Variants in NALCN observed in about 807,000 individuals in gnomAD.
NALCN encodes sodium leak channel NALCN.
Under a neutral mutation model 225.3 loss-of-function variants are expected in NALCN, and 111 were observed. That is an observed-to-expected ratio of 0.49 (90% CI 0.42 to 0.58). The LOEUF is 0.58. Ranked by LOEUF, NALCN falls within the 20% of genes least tolerant of loss-of-function variation. NALCN has a pLI of 0.00. For missense variants in NALCN, 1,378 were observed against 2,202.4 expected (o/e 0.63, Z 7.49); for synonymous variants, 764 against 769.0 (o/e 0.99, Z 0.11).
chr13:101,400,967 T>C (rs545311968), intron 1 of NALCN, among the ~76,000 whole-genome samples: 14 of 152,270 alleles, frequency 9.2e-5, no homozygotes, highest in African/African-American at 3.4e-4. Flanking sequence ...GAAGAAGGTG[T>C]CTTCGACCAT....
Position 101,083,101 on chromosome 13 carries a change from G to C in NALCN, c.3681C>G (p.Leu1227=). The C allele has an allele frequency of 6.2e-7, 1 of 1,614,070 alleles. No individual in the cohort carries two copies. The highest frequency in any genetic ancestry group is 1.7e-5 in the Admixed American group (1 of 60,014). Residue 1227 remains leucine (L), a synonymous_variant, in exon 32 of 44, where the codon CTC becomes CTG. Transcript: ENST00000251127. ...ALLVLAQSVL[L]SVKWDVEDPV... ...GGGTGAAACGAAGTACCTTGACAGA[G>C]AGCAACACCGACTGGGCCAGGACGA...
intron 10 of NALCN, among the ~76,000 whole-genome samples, chr13:101,268,731 T>C (rs2042678737): frequency 6.6e-6 from 1 of 152,176 alleles, no homozygotes; most frequent in Non-Finnish European, 1.5e-5. Context: ...AAAACAGAAC[T>C]TTTCCTATAT....
rs746511037 is a variant in NALCN at position 101,100,840 on chromosome 13, C to T, written c.3106G>A (p.Val1036Ile). ...GCCAGTTTTCCAGCAAAAAGCTGAACTCCAAAGCTTGCAAAAACGAGCATT... is the reference window on the plus strand; with the variant it reads ...GCCAGTTTTCCAGCAAAAAGCTGAATTCCAAAGCTTGCAAAAACGAGCATT... ...TLMLVFASFG[V>I]QLFAGKLAKC... The change falls in exon 27 of 44, where the codon GTT becomes ATT. Residue 1036 changes from valine (V) to isoleucine (I), a missense_variant. Val to Ile is a conservative substitution (Grantham distance 29, BLOSUM62 3). Coordinates refer to ENST00000251127, the MANE Select transcript of NALCN (RefSeq NM_052867.4). 6.2e-7 allele frequency: 1 copy of T among 1,611,866 alleles called. No individual in the cohort carries two copies. Among genetic ancestry groups the T allele is most frequent in the African/African-American group, 1.3e-5 (1 of 74,832 alleles).
chr13:101,296,676 C>T (rs2043768299), intron 7 of NALCN, among the ~76,000 whole-genome samples: 3 of 152,136 alleles, frequency 2.0e-5, no homozygotes, highest in South Asian at 4.1e-4. Context: ...GAATATAACG[C>T]ATTAATTTTT....
At chr13:101,334,725 A>C (rs760880531) in intron 7 of NALCN, among the ~76,000 whole-genome samples, 3 of 152,222 alleles carry the variant, frequency 2.0e-5, no homozygotes, top group Admixed American at 1.3e-4. Context: ...TCTAAAGCAT[A>C]ATCACACATG....
intron 7 of NALCN, among the ~76,000 whole-genome samples, chr13:101,310,344 G>GCTT (rs1212675140): frequency 6.6e-6 from 1 of 151,984 alleles, no homozygotes; most frequent in Non-Finnish European, 1.5e-5. Flanking sequence ...TTTCTCCATA[G>GCTT]CTTCATTCAA....
chr13:101,097,347 C>T (rs569065345), intron 27 of NALCN, among the ~76,000 whole-genome samples: 10 of 152,174 alleles, frequency 6.6e-5, no homozygotes, highest in African/African-American at 1.4e-4. Context: ...AACTACATTG[C>T]GATTATCTTT....
At chr13:101,111,315 A>G in intron 18 of NALCN, 89 bp from the exon 19 acceptor site, 1 of 1,124,824 alleles carries the variant, frequency 8.9e-7, no homozygotes, top group East Asian at 2.4e-5. Flanking sequence ...TTATTATTTT[A>G]AAGGCAACAC....
At chr13:101,379,845 T>A (rs1045489170) in intron 3 of NALCN, among the ~76,000 whole-genome samples, 3 of 152,110 alleles carry the variant, frequency 2.0e-5, no homozygotes. Context: ...AAATTTTTTA[T>A]AATAATAAAA....
At chr13:101,273,383 T>C (rs1221139572) in intron 10 of NALCN, among the ~76,000 whole-genome samples, 1 of 152,138 alleles carries the variant, frequency 6.6e-6, no homozygotes, top group Non-Finnish European at 1.5e-5. Context: ...AAGAGTCAAT[T>C]ATAACTTTTC....
chr13:101,195,154 C>T (rs1268623505), intron 13 of NALCN, among the ~76,000 whole-genome samples: 4 of 152,172 alleles, frequency 2.6e-5, no homozygotes, highest in Non-Finnish European at 5.9e-5. Flanking sequence ...AGCAACTGAC[C>T]TCAGTAATGC....
At chr13:101,181,248 G>A (rs1322374713) in intron 14 of NALCN, 1 of 518,946 alleles carries the variant, frequency 1.9e-6, no homozygotes, top group East Asian at 5.5e-5. Context: ...CCAGAGTCTG[G>A]CTTCCAGGCA....
intron 6 of NALCN, among the ~76,000 whole-genome samples, chr13:101,375,333 T>C (rs1018924967): frequency 6.6e-6 from 1 of 152,198 alleles, no homozygotes; most frequent in African/African-American, 2.4e-5. Context: ...ATCTACTTCA[T>C]TGAGGAGTAA....
chr13:101,190,402 T>C (rs1425969186), intron 14 of NALCN, among the ~76,000 whole-genome samples: 1 of 152,156 alleles, frequency 6.6e-6, no homozygotes, highest in Non-Finnish European at 1.5e-5. Context: ...AATGGATGAA[T>C]GAATAAATGG....
Position 101,087,881 on chromosome 13 carries a change from C to T in NALCN, c.3489+1782G>A, listed in dbSNP as rs767582672. The stretch of plus-strand genomic sequence containing the variant: ...TCCTGAAATCAGGTGTCTGCTCAGA[C>T]GGCTTCTTAACGGTGTTCTGGGCAA... On this transcript the variant is annotated intron_variant, in intron 30 of 43. Coordinates refer to ENST00000251127, the MANE Select transcript of NALCN (RefSeq NM_052867.4). 2.9e-4 allele frequency among the ~76,000 whole-genome samples: 44 copies of T among 152,172 alleles called. 1 individual carries two copies. Among genetic ancestry groups the T allele is most frequent in the Admixed American group, 1.8e-3 (27 of 15,278 alleles).
intron 12 of NALCN, among the ~76,000 whole-genome samples, chr13:101,237,131 T>C (rs1280390337): frequency 6.6e-6 from 1 of 151,854 alleles, no homozygotes; most frequent in Non-Finnish European, 1.5e-5. Flanking sequence ...TAACTAATAA[T>C]TACTGTTTAT....
intron 13 of NALCN, among the ~76,000 whole-genome samples, chr13:101,205,690 T>C (rs2040285433): frequency 6.6e-6 from 1 of 152,146 alleles, no homozygotes; most frequent in South Asian, 2.1e-4. Flanking sequence ...TTATGACCTA[T>C]TTCTTAATAA....
chr13:101,143,299 T>C (rs1358330198), intron 16 of NALCN, 78 bp from the exon 17 acceptor site: 15 of 1,440,978 alleles, frequency 1.0e-5, no homozygotes, highest in Non-Finnish European at 3.7e-6. Context: ...ATGATGAGTT[T>C]GCTTGAGCAA....
intron 11 of NALCN, among the ~76,000 whole-genome samples, chr13:101,245,570 C>T (rs2041870296): frequency 1.3e-5 from 2 of 152,180 alleles, no homozygotes; most frequent in African/African-American, 4.8e-5. Context: ...TTTCTACCCC[C>T]CAACTAAGAA....
Sources: gnomAD v4.1 joint callset for allele counts (sites outside exome capture counted in the v4.1 genomes callset) on GRCh38, gnomAD v4.1.1 for gene constraint, MANE v1.5 for transcripts, NCBI Gene and HGNC (gene_info 2026-07-23, HGNC 2026-07-21) for gene names.